WASHC2C: variants seen among roughly 807,000 people sequenced by gnomAD.
WASHC2C encodes Vaccinia Penetration Factor.
WASHC2C carries 73 observed loss-of-function variants against 142.2 expected under a neutral mutation model. That is an observed-to-expected ratio of 0.51 (90% CI 0.43 to 0.62). The LOEUF (loss-of-function observed/expected upper bound fraction) is 0.62. WASHC2C is among the 20% of genes least tolerant of loss of function. The pLI is 0.00. For missense variants in WASHC2C, 969 were observed against 1,531.7 expected (o/e 0.63, Z 6.13); for synonymous variants, 337 against 565.5 (o/e 0.60, Z 5.73).
intron 15 of WASHC2C, among the ~76,000 whole-genome samples, 191 bp from the exon 16 acceptor site, chr10:45,756,821 G>T (rs2054363563): frequency 6.6e-6 from 1 of 152,180 alleles, no homozygotes; most frequent in Non-Finnish European, 1.5e-5. Flanking sequence ...TCTTTCAACT[G>T]AACTGCTACT....
chr10:45,727,236 T>G (rs1006152615), upstream of WASHC2C: 98 of 1,523,560 alleles, frequency 6.4e-5, no homozygotes, highest in Non-Finnish European at 2.2e-5. Flanking sequence ...CCCGGGCAGC[T>G]TGGCTGGGGC....
At chr10:45,738,800 G>A (rs1263187828) in intron 4 of WASHC2C, among the ~76,000 whole-genome samples, 1 of 152,184 alleles carries the variant, frequency 6.6e-6, no homozygotes, top group Non-Finnish European at 1.5e-5. Flanking sequence ...TGCCTCCTGG[G>A]TGCAAGTGAT....
chr10:45,743,301 A>T, intron 5 of WASHC2C, 89 bp from the exon 6 acceptor site: 1 of 1,559,386 alleles, frequency 6.4e-7, no homozygotes, highest in South Asian at 1.1e-5. Flanking sequence ...CTTGTTTGGG[A>T]TAGTCAGATG....
chr10:45,743,382 A>T lies in WASHC2C; in HGVS notation c.529-8A>T. The T allele has an allele frequency of 1.9e-6, 3 of 1,611,982 alleles. No homozygotes were observed. Among genetic ancestry groups the T allele is most frequent in the Non-Finnish European group, 2.5e-6 (3 of 1,179,850 alleles). ...TGTTTGACAGCCTATTCCTTTCATC[A>T]TGTACAGGATCTATACATTGATCGT... On this transcript the variant is annotated splice_polypyrimidine_tract_variant and splice_region_variant and intron_variant, in intron 5 of 30. Coordinates refer to ENST00000623400, the MANE Select transcript of WASHC2C (RefSeq NM_001330074.2).
At chr10:45,784,243 TGTGTGTGTG>T (rs1554888830) in intron 23 of WASHC2C, among the ~76,000 whole-genome samples, 13 of 43,484 alleles carry the variant, frequency 3.0e-4, no homozygotes, top group East Asian at 1.9e-3. Flanking sequence ...TATATATATG[TGTGTGTGTG>T]TATATATATA....
At chr10:45,755,150 C>T (rs782312619) in intron 15 of WASHC2C, 35 bp downstream of exon 15, 1 of 1,569,264 alleles carries the variant, frequency 6.4e-7, no homozygotes, top group Non-Finnish European at 8.6e-7. Flanking sequence ...AGGACTTCAG[C>T]CAGAAAAAGA....
chr10:45,734,303 C>G (rs2050949467), intron 3 of WASHC2C, among the ~76,000 whole-genome samples: 1 of 151,616 alleles, frequency 6.6e-6, no homozygotes, highest in African/African-American at 2.4e-5. Context: ...AACCATTGAA[C>G]TTTTCAGTGT....
intron 2 of WASHC2C, among the ~76,000 whole-genome samples, chr10:45,728,275 C>A (rs2050134216): frequency 6.6e-6 from 1 of 152,160 alleles, no homozygotes; most frequent in South Asian, 2.1e-4. Context: ...AGCGATAACC[C>A]TGCCTCAGCC....
chr10:45,790,517 A>G lies in WASHC2C; in HGVS notation c.3870A>G (p.Ile1290Met). The change falls in exon 30 of 31, where the codon ATA (isoleucine) becomes ATG (methionine). Residue 1290 changes from isoleucine to methionine, a missense_variant. Coordinates refer to ENST00000623400, the MANE Select transcript of WASHC2C (RefSeq NM_001330074.2). Reference sequence around the variant, plus strand: ...AAAAGAAAGTGGAAGCCAAGTCTATATTTGATGATGATATGGGTAAGTTTG... The same window carrying G: ...AAAAGAAAGTGGAAGCCAAGTCTATGTTTGATGATGATATGGGTAAGTTTG... ...KSKKKVEAKS[I>M]FDDDMDDIFS... is the part of the protein sequence containing the mutation. 1.2e-6 allele frequency: 2 copies of G among 1,611,770 alleles called. No individual in the cohort carries two copies. Among genetic ancestry groups the G allele is most frequent in the South Asian group, 1.1e-5 (1 of 90,944 alleles).
chr10:45,777,466 C>A, intron 22 of WASHC2C, 41 bp downstream of exon 22: 6 of 1,612,436 alleles, frequency 3.7e-6, no homozygotes, highest in Non-Finnish European at 4.2e-6. Flanking sequence ...ATTTGTCTCT[C>A]GTATGTTGTT....
Position 45,743,036 on chromosome 10 carries a change from C to T in WASHC2C, c.529-354C>T, listed in dbSNP as rs782764766. On this transcript the variant is annotated intron_variant, in intron 5 of 30. Transcript: ENST00000623400. The stretch of plus-strand genomic sequence containing the variant: ...ATGACAGTTACCCGCCACCATGTCC[C>T]GCTAATTTTTTTGGATTTTTAGTAG... Among the ~76,000 whole-genome samples, 491 of 151,708 alleles carry T rather than the reference C, an allele frequency of 3.2e-3. 1 individual carries two copies. The highest frequency in any genetic ancestry group is 4.2e-3 in the Non-Finnish European group (284 of 67,860).
chr10:45,740,832 G>A (rs1393551623), intron 5 of WASHC2C, among the ~76,000 whole-genome samples: 5 of 152,116 alleles, frequency 3.3e-5, no homozygotes, highest in African/African-American at 1.2e-4. Context: ...TGTTCAAAGA[G>A]ACAATTGGGG....
chr10:45,728,889 C>T lies in WASHC2C; in HGVS notation c.154C>T (p.Gln52Ter), dbSNP rs2050228325. ...GLLQFLQEFS[Q>*]QTISRTHEIK... ...ACTACAGTTTCTACAGGAATTCTCA[C>T]AGCAAACTATCTCTAGGACCCATGA... is the stretch of plus-strand genomic sequence containing the variant. Residue 52 changes from glutamine (Q) to a stop codon, truncating the protein, a stop_gained, in exon 3 of 31, where the codon CAG (glutamine) becomes TAG (stop). Transcript: ENST00000623400. LOFTEE classifies it high-confidence loss of function. 8 of 1,613,598 alleles carry T rather than the reference C, an allele frequency of 5.0e-6. 1 individual carries two copies. The highest frequency in any genetic ancestry group is 1.7e-6 in the Non-Finnish European group (2 of 1,179,782).
intron 27 of WASHC2C, 95 bp downstream of exon 27, chr10:45,786,769 T>C: frequency 6.2e-7 from 1 of 1,604,912 alleles, no homozygotes; most frequent in Non-Finnish European, 8.5e-7. Context: ...AAACATCTTC[T>C]CATCTCTTCC....
In WASHC2C at chr10:45,727,429, A is replaced by T. The variant is rs1415185994; in HGVS notation, c.16A>T (p.Thr6Ser). ...TTTTTCGCTGCAGATGAACCGGACG[A>T]CCCCCGACCAGGAGCTGGTGCCGGC... MMNRT[T>S]PDQELVPASE... The change falls in exon 2 of 31, where the codon ACC becomes TCC. Residue 6 changes from threonine (T) to serine (S), a missense_variant. Transcript: ENST00000623400. The T allele has an allele frequency of 1.2e-6, 2 of 1,610,814 alleles. No individual in the cohort carries two copies. Among genetic ancestry groups the T allele is most frequent in the Non-Finnish European group, 1.7e-6 (2 of 1,179,400 alleles).
At chr10:45,790,309 G>T (rs2135833429) in intron 29 of WASHC2C, 47 bp from the exon 30 acceptor site, 3 of 1,608,844 alleles carry the variant, frequency 1.9e-6, no homozygotes, top group African/African-American at 1.3e-5. Flanking sequence ...AGTTTAAAAA[G>T]AAAAATTGAT....
At chr10:45,758,258 C>G (rs1236616766) in intron 16 of WASHC2C, among the ~76,000 whole-genome samples, 26 of 152,328 alleles carry the variant, frequency 1.7e-4, no homozygotes, top group Non-Finnish European at 3.1e-4. Context: ...ACACGTTTGT[C>G]ACTTGGTTGT....
At chr10:45,785,159 A>G (rs760516779) in intron 25 of WASHC2C, among the ~76,000 whole-genome samples, 1 of 152,322 alleles carries the variant, frequency 6.6e-6, no homozygotes, top group East Asian at 1.9e-4. Context: ...CATCTGTGTG[A>G]TGTTTAAATG....
chr10:45,788,989 G>A lies in WASHC2C; in HGVS notation c.3206G>A (p.Trp1069Ter). The change falls in exon 29 of 31, where the codon TGG becomes TAG. Residue 1069 changes from tryptophan (W) to a stop codon, truncating the protein, a stop_gained. Coordinates refer to ENST00000623400, the MANE Select transcript of WASHC2C (RefSeq NM_001330074.2). LOFTEE classifies it high-confidence loss of function. Reference sequence around the variant, plus strand: ...GTCCCCAGAGGACCCATTGCACAGTGGGCTGATGGCGCCATTTCCCCAAAT... The same window carrying A: ...GTCCCCAGAGGACCCATTGCACAGTAGGCTGATGGCGCCATTTCCCCAAAT... ...MSVPRGPIAQWADGAISPNGH... is the reference protein window; with the variant it reads ...MSVPRGPIAQ The A allele has an allele frequency of 6.2e-7, 1 of 1,612,056 alleles. No homozygotes were observed. The highest frequency in any genetic ancestry group is 1.3e-5 in the African/African-American group (1 of 74,994).
Sources: gnomAD v4.1 joint callset for allele counts (sites outside exome capture counted in the v4.1 genomes callset) on GRCh38, gnomAD v4.1.1 for gene constraint, MANE v1.5 for transcripts, NCBI Gene and HGNC (gene_info 2026-07-23, HGNC 2026-07-21) for gene names.